ZNF479: variants seen among roughly 807,000 people sequenced by gnomAD.
ZNF479 encodes the protein zinc finger protein 479.
In ZNF479, 15 loss-of-function variants were observed where a neutral mutation model predicts 14.7. The ratio of observed to expected loss-of-function variants is 1.02; its 90% CI spans 0.68 to 1.57. The LOEUF (loss-of-function observed/expected upper bound fraction) is 1.57. ZNF479 is among the 40% of genes most tolerant of loss of function. ZNF479 has a pLI of 0.00. For missense variants in ZNF479, 506 were observed against 615.1 expected (o/e 0.82, Z 1.88); for synonymous variants, 145 against 211.5 (o/e 0.69, Z 2.73).
chr7:57,129,177 G>T lies in ZNF479; in HGVS notation c.40-2459C>A, dbSNP rs193272575. On this transcript the variant is annotated intron_variant, in intron 1 of 3. Transcript: ENST00000319636. Reference sequence around the variant, plus strand: ...CTTTACAGTAATGGGAGCATGAACCGCACTGACCTCTTCCTACCAAACTGA... The same window carrying T: ...CTTTACAGTAATGGGAGCATGAACCTCACTGACCTCTTCCTACCAAACTGA... 3.5e-3 allele frequency among the ~76,000 whole-genome samples: 535 copies of T among 152,216 alleles called. 4 individuals are homozygous for T. The highest frequency in any genetic ancestry group is 0.012 in the African/African-American group (516 of 41,520).
intron 3 of ZNF479, among the ~76,000 whole-genome samples, chr7:57,124,846 G>A (rs1786088637): frequency 1.3e-5 from 2 of 152,114 alleles, no homozygotes; most frequent in Admixed American, 1.3e-4. Flanking sequence ...AGGCTGAGGT[G>A]GGCAGATCAC....
At chr7:57,137,701 GC>G (rs1374961928) in intron 1 of ZNF479, among the ~76,000 whole-genome samples, 2 of 152,122 alleles carry the variant, frequency 1.3e-5, no homozygotes, top group Non-Finnish European at 2.9e-5. Flanking sequence ...TTTTGCCTGG[GC>G]CCGGCCTGCA....
At chr7:57,137,649 T>C (rs546953607) in intron 1 of ZNF479, among the ~76,000 whole-genome samples, 14 of 152,210 alleles carry the variant, frequency 9.2e-5, no homozygotes, top group Non-Finnish European at 1.6e-4. Context: ...ACAGGTGTGA[T>C]TGTGTCATAT....
At chr7:57,133,176 C>A (rs1265334988), upstream of ZNF479, among the ~76,000 whole-genome samples, 1 of 152,016 alleles carries the variant, frequency 6.6e-6, no homozygotes, top group Non-Finnish European at 1.5e-5. Context: ...GGGCAGGGAC[C>A]GGGCAGGAGG....
At chr7:57,135,128 C>T (rs1241999454), upstream of ZNF479, among the ~76,000 whole-genome samples, 7 of 152,176 alleles carry the variant, frequency 4.6e-5, no homozygotes, top group Non-Finnish European at 1.0e-4. Flanking sequence ...TACCAATTGG[C>T]TAACTTTTTG....
chr7:57,130,528 T>C (rs35398320), intron 1 of ZNF479, among the ~76,000 whole-genome samples: 35,930 of 150,438 alleles, frequency 0.24, 4,968 homozygotes, highest in South Asian at 0.34. Flanking sequence ...CATAATAAGA[T>C]AGATAAAACA....
chr7:57,130,648 A>G (rs1262731857), intron 1 of ZNF479, among the ~76,000 whole-genome samples: 2 of 152,242 alleles, frequency 1.3e-5, no homozygotes, highest in African/African-American at 4.8e-5. Context: ...TTGAATGCTT[A>G]TATGCTGCTG....
chr7:57,126,770 C>T (rs13236696), intron 1 of ZNF479, 52 bp from the exon 2 acceptor site: 95 of 1,599,334 alleles, frequency 5.9e-5, no homozygotes, highest in Non-Finnish European at 7.0e-5. Context: ...ACTTACCACA[C>T]GGCCATAGGC....
Position 57,132,363 on chromosome 7 carries a change from C to T in ZNF479, c.-39G>A, listed in dbSNP as rs927039696. 5.6e-6 allele frequency: 9 copies of T among 1,613,960 alleles called. No homozygotes were observed. The highest frequency in any genetic ancestry group is 1.3e-5 in the African/African-American group (1 of 74,934). Reference sequence around the variant, plus strand: ...CCTGCAGGACACAAGGACACATAGGCTTGGCCTCTAGGAGCAGAGGACACA... The same window carrying T: ...CCTGCAGGACACAAGGACACATAGGTTTGGCCTCTAGGAGCAGAGGACACA... On this transcript the variant is annotated 5_prime_UTR_variant, in exon 1 of 4. Coordinates refer to ENST00000319636, the MANE Select transcript of ZNF479 (RefSeq NM_001370129.2).
In ZNF479 at chr7:57,122,269, T is replaced by C. The variant is rs535087613; in HGVS notation, c.263-1117A>G. ...AATGGTCAAAGGCTGAAAAAAATTT[T>C]CATGGTGAGAATAATAAAACCAGAA... On this transcript the variant is annotated intron_variant, in intron 3 of 3. Transcript: ENST00000319636. Among the ~76,000 whole-genome samples the C allele has an allele frequency of 2.0e-3, 309 of 151,260 alleles. 1 individual carries two copies. Among genetic ancestry groups the C allele is most frequent in the African/African-American group, 7.3e-3 (301 of 41,450 alleles).
At chr7:57,136,028 T>C (rs1786641670), upstream of ZNF479, among the ~76,000 whole-genome samples, 1 of 150,918 alleles carries the variant, frequency 6.6e-6, no homozygotes, top group Non-Finnish European at 1.5e-5. Context: ...CTTTCCTATC[T>C]TTTCTGTTAC....
upstream of ZNF479, among the ~76,000 whole-genome samples, chr7:57,135,369 C>A (rs1219076247): frequency 6.6e-6 from 1 of 152,018 alleles, no homozygotes; most frequent in Non-Finnish European, 1.5e-5. Flanking sequence ...TTAGATTGGG[C>A]ATTATGGAAT....
intron 1 of ZNF479, 109 bp downstream of exon 1, chr7:57,132,177 G>A (rs1186470904): frequency 2.3e-5 from 36 of 1,595,190 alleles, no homozygotes; most frequent in Middle Eastern, 2.1e-4. Context: ...GATTTGGGTC[G>A]GCAGGCCCTG....
At chr7:57,121,669 C>A (rs1322550919) in intron 3 of ZNF479, among the ~76,000 whole-genome samples, 1 of 152,154 alleles carries the variant, frequency 6.6e-6, no homozygotes, top group East Asian at 1.9e-4. Flanking sequence ...ATCCCAGAAT[C>A]TCTACCAAAG....
chr7:57,138,478 G>A (rs898712011), intron 1 of ZNF479, among the ~76,000 whole-genome samples: 6 of 152,138 alleles, frequency 3.9e-5, no homozygotes, highest in African/African-American at 1.4e-4. Flanking sequence ...ATGAGGACAC[G>A]ATACACAGTT....
intron 3 of ZNF479, among the ~76,000 whole-genome samples, chr7:57,122,628 C>A (rs1283656060): frequency 6.6e-6 from 1 of 152,022 alleles, no homozygotes; most frequent in Non-Finnish European, 1.5e-5. Context: ...ATAATGAGGA[C>A]AAATTTTTCT....
intron 1 of ZNF479, among the ~76,000 whole-genome samples, chr7:57,138,098 C>T (rs925969452): frequency 2.0e-5 from 3 of 152,168 alleles, no homozygotes; most frequent in South Asian, 2.1e-4. Flanking sequence ...TGACATATTG[C>T]TGGCCCAGCA....
At chr7:57,125,678 A>G (rs1278788688) in intron 3 of ZNF479, among the ~76,000 whole-genome samples, 1 of 151,990 alleles carries the variant, frequency 6.6e-6, no homozygotes, top group African/African-American at 2.4e-5. Context: ...AAAAATTTTA[A>G]TGGTTTAGAG....
chr7:57,137,168 G>A (rs1786687473), upstream of ZNF479, among the ~76,000 whole-genome samples: 1 of 152,078 alleles, frequency 6.6e-6, no homozygotes, highest in African/African-American at 2.4e-5. Flanking sequence ...CAGCTTAATT[G>A]TATTATTTTT....
Sources: allele counts gnomAD v4.1 joint callset (sites outside exome capture counted in the v4.1 genomes callset), GRCh38; gene constraint gnomAD v4.1.1; transcripts MANE v1.5; gene names NCBI Gene and HGNC (gene_info 2026-07-23, HGNC 2026-07-21).